STK32B: variants seen among roughly 807,000 people sequenced by gnomAD.
The protein encoded by STK32B is serine/threonine-protein kinase 32B.
STK32B carries 43 observed loss-of-function variants against 52.6 expected under a neutral mutation model. The ratio of observed to expected loss-of-function variants is 0.82; its 90% CI spans 0.64 to 1.05. STK32B has a LOEUF of 1.05. Ranked by LOEUF, STK32B falls within the 50% of genes least tolerant of loss-of-function variation. The pLI is 0.00. For missense variants in STK32B, 621 were observed against 534.6 expected (o/e 1.16, Z -1.59); for synonymous variants, 238 against 204.3 (o/e 1.17, Z -1.41).
rs138150982 is a variant in STK32B at position 5,378,166 on chromosome 4, G to T, written c.435-20041G>T. On this transcript the variant is annotated intron_variant, in intron 4 of 11. Transcript: ENST00000282908. The surrounding 1 kb of genome is among the most constrained non-coding windows in gnomAD (Gnocchi z 4.4). Reference sequence around the variant, plus strand: ...TAACTGCCTCCCCGTCTGTCTGAGTGTTCATTCATGTCCAGTCCAGTAGCG... The same window carrying T: ...TAACTGCCTCCCCGTCTGTCTGAGTTTTCATTCATGTCCAGTCCAGTAGCG... Among the ~76,000 whole-genome samples, 1,743 of 152,330 alleles carry T rather than the reference G, an allele frequency of 0.011. 15 individuals carry two copies. The highest frequency in any genetic ancestry group is 0.019 in the Non-Finnish European group (1,297 of 68,038).
At chr4:5,264,820 C>T (rs1464979268) in intron 3 of STK32B, among the ~76,000 whole-genome samples, 3 of 152,014 alleles carry the variant, frequency 2.0e-5, no homozygotes, top group Non-Finnish European at 4.4e-5. Context: ...TTATACAAGT[C>T]CTTTATATAT....
chr4:5,268,585 A>G (rs1331337287), intron 3 of STK32B, among the ~76,000 whole-genome samples: 4 of 140,830 alleles, frequency 2.8e-5, no homozygotes, highest in East Asian at 2.2e-4. Context: ...GTGTGTGTGT[A>G]TAGCAAATAT....
intron 2 of STK32B, among the ~76,000 whole-genome samples, chr4:5,155,675 G>A (rs1353895106): frequency 2.6e-5 from 4 of 152,120 alleles, no homozygotes; most frequent in Non-Finnish European, 4.4e-5. Flanking sequence ...GAATTCTCAC[G>A]AGAGCTGATG....
At chr4:5,248,169 G>C (rs376894325) in intron 3 of STK32B, among the ~76,000 whole-genome samples, 1 of 152,184 alleles carries the variant, frequency 6.6e-6, no homozygotes, top group East Asian at 1.9e-4. Context: ...AGAAAATGAG[G>C]TTTGGAGTGA....
At chr4:5,475,247 C>T (rs1560445310) in intron 11 of STK32B, among the ~76,000 whole-genome samples, 2 of 151,700 alleles carry the variant, frequency 1.3e-5, no homozygotes, top group Non-Finnish European at 2.9e-5. Flanking sequence ...TGGTGAAACC[C>T]CCATCTATAC....
chr4:5,465,547 G>A (rs1717366229), intron 9 of STK32B, among the ~76,000 whole-genome samples: 1 of 152,224 alleles, frequency 6.6e-6, no homozygotes, highest in Non-Finnish European at 1.5e-5. Flanking sequence ...GGGGACAGCA[G>A]AGAAGCAGAG....
intron 4 of STK32B, among the ~76,000 whole-genome samples, chr4:5,351,909 G>GA (rs1490355030): frequency 6.6e-6 from 1 of 151,962 alleles, no homozygotes; most frequent in African/African-American, 2.4e-5. Flanking sequence ...GGAAGAAATG[G>GA]AAAACCTGGG....
intron 9 of STK32B, among the ~76,000 whole-genome samples, chr4:5,461,880 C>G (rs963375237): frequency 1.3e-5 from 2 of 152,224 alleles, no homozygotes; most frequent in Admixed American, 6.5e-5. Flanking sequence ...CCAGAGTGGA[C>G]ATGGTGCTGC....
At chr4:5,233,446 A>G (rs1724413573) in intron 3 of STK32B, among the ~76,000 whole-genome samples, 1 of 152,164 alleles carries the variant, frequency 6.6e-6, no homozygotes, top group African/African-American at 2.4e-5. Flanking sequence ...GACAGCTGAT[A>G]TACTGGAATA....
At chr4:5,022,169 C>T in the STK32B span, among the ~76,000 whole-genome samples, 2 of 152,338 alleles carry the variant, frequency 1.3e-5, no homozygotes, top group Non-Finnish European at 2.9e-5. Flanking sequence ...GATACATTGA[C>T]TTGCCTCCTG....
intron 3 of STK32B, among the ~76,000 whole-genome samples, chr4:5,185,434 T>G (rs1248003290): frequency 6.6e-6 from 1 of 152,204 alleles, no homozygotes. Flanking sequence ...AACAATCACT[T>G]AAATCAGAGG....
At chr4:5,102,769 C>G (rs1291127078) in intron 1 of STK32B, among the ~76,000 whole-genome samples, 3 of 151,054 alleles carry the variant, frequency 2.0e-5, no homozygotes, top group Admixed American at 6.6e-5. Context: ...TCTCGAACTC[C>G]TGACCTGAAA....
At chr4:5,314,606 G>A (rs1319507764) in intron 3 of STK32B, among the ~76,000 whole-genome samples, 3 of 152,150 alleles carry the variant, frequency 2.0e-5, no homozygotes, top group African/African-American at 7.2e-5. Flanking sequence ...GGAGGCGGAG[G>A]TTGCAGTGAG....
At chr4:5,340,838 A>G (rs62297276) in intron 4 of STK32B, among the ~76,000 whole-genome samples, 14,514 of 152,232 alleles carry the variant, frequency 0.095, 1,150 homozygotes, top group Admixed American at 0.21. Flanking sequence ...AAATATAAAC[A>G]CCCACACATA....
chr4:5,453,948 C>G lies in STK32B; in HGVS notation c.667-2859C>G, dbSNP rs73212712. Among the ~76,000 whole-genome samples, 1,062 of 152,036 alleles carry G rather than the reference C, an allele frequency of 7.0e-3. 11 individuals carry two copies. Among genetic ancestry groups the G allele is most frequent in the Non-Finnish European group, 0.01 (684 of 68,016 alleles). On this transcript the variant is annotated intron_variant, in intron 7 of 11. Transcript: ENST00000282908. The surrounding 1 kb of genome is among the most constrained non-coding windows in gnomAD (Gnocchi z 4.0). ...AACTGAACTCAGCCCCAGCTCATCT[C>G]CCAGTGGTAGCCCTGAGCTCTGGGT...
the STK32B span, among the ~76,000 whole-genome samples, chr4:5,043,375 A>C: frequency 3.9e-5 from 6 of 152,196 alleles, no homozygotes; most frequent in Non-Finnish European, 7.4e-5. Flanking sequence ...GCATACATTT[A>C]CTTAGTTTTC....
At chr4:5,364,316 GTTA>G (rs1219057569) in intron 4 of STK32B, among the ~76,000 whole-genome samples, 2 of 152,250 alleles carry the variant, frequency 1.3e-5, no homozygotes, top group Admixed American at 1.3e-4. Flanking sequence ...CAGCATATCT[GTTA>G]TTATTATTAT....
At chr4:5,407,674 A>G (rs959312752) in intron 5 of STK32B, among the ~76,000 whole-genome samples, 3 of 152,038 alleles carry the variant, frequency 2.0e-5, no homozygotes, top group Non-Finnish European at 2.9e-5. Context: ...GAAGTGCTAC[A>G]CACTTTTATA....
chr4:5,185,031 CCTT>C (rs1292845644), intron 3 of STK32B, among the ~76,000 whole-genome samples: 49 of 152,334 alleles, frequency 3.2e-4, no homozygotes, highest in African/African-American at 1.1e-3. Context: ...CGTGTTCTCT[CCTT>C]CTCCTCCAGC....
Sources: gnomAD v4.1 joint callset for allele counts (sites outside exome capture counted in the v4.1 genomes callset) on GRCh38, gnomAD v4.1.1 for gene constraint, Gnocchi (gnomAD v3.1) non-coding constraint, MANE v1.5 for transcripts, NCBI Gene and HGNC (gene_info 2026-07-23, HGNC 2026-07-21) for gene names.